Variants in PKD1 observed in about 807,000 individuals in gnomAD.
PKD1 encodes polycystin 1, transient receptor potential channel interacting.
Under a neutral mutation model 361.7 loss-of-function variants are expected in PKD1, and 81 were observed. The observed-to-expected ratio is 0.22, with a 90% CI of 0.19 to 0.27. PKD1 has a LOEUF of 0.27. Ranked by LOEUF, PKD1 falls within the 10% of genes least tolerant of loss-of-function variation. The pLI is 1.00. For synonymous variants in PKD1, 3,615 were observed against 2,818.3 expected (o/e 1.28, Z -8.95); for missense variants, 6,399 against 6,118.3 (o/e 1.05, Z -1.53).
At chr16:2,122,222 T>A (rs989008438) in intron 1 of PKD1, among the ~76,000 whole-genome samples, 2 of 152,198 alleles carry the variant, frequency 1.3e-5, no homozygotes, top group African/African-American at 2.4e-5. Context: ...CCCAGACAGA[T>A]GAGACGCTGG....
intron 1 of PKD1, among the ~76,000 whole-genome samples, chr16:2,131,443 G>A (rs1305812373): frequency 6.6e-6 from 1 of 152,072 alleles, no homozygotes; most frequent in African/African-American, 2.4e-5. Flanking sequence ...AGGAGGCGGA[G>A]CTTGCAGTGA....
chr16:2,090,650 C>T (rs755345715), intron 44 of PKD1, 24 bp downstream of exon 44: 3 of 1,610,764 alleles, frequency 1.9e-6, no homozygotes, highest in Non-Finnish European at 2.5e-6. Flanking sequence ...CTAAGACGCC[C>T]TCCCCGGCCG....
In PKD1 at chr16:2,110,563, C is replaced by T. The variant is rs147919184; in HGVS notation, c.4604G>A (p.Arg1535His). ...CGTCACATTGAGCCAGGCCTCGCTG[C>T]GGCTCACCTCATTCCAGCCGGCCAC... The part of the protein sequence containing the change: ...VRVAGWNEVS[R>H]SEAWLNVTVK... The change falls in exon 15 of 46, where the codon CGC (arginine) becomes CAC (histidine). Residue 1535 changes from arginine to histidine, a missense_variant. Coordinates refer to ENST00000262304, the MANE Select transcript of PKD1 (RefSeq NM_001009944.3). 2.9e-5 allele frequency: 46 copies of T among 1,611,174 alleles called. No individual in the cohort carries two copies. Among genetic ancestry groups the T allele is most frequent in the Admixed American group, 3.3e-5 (2 of 60,004 alleles).
chr16:2,104,211 A>AAGGGGGATGAGGGGGATG (rs1311479204), intron 22 of PKD1, among the ~76,000 whole-genome samples: 1 of 16,660 alleles, frequency 6.0e-5, no homozygotes, highest in African/African-American at 5.6e-4. Context: ...AAGGGAGGGG[A>AAGGGGGATGAGGGGGATG]AGGGGGATGA....
At chr16:2,112,316 C>A (rs779729543) in intron 14 of PKD1, 24 bp downstream of exon 14, 2 of 1,576,750 alleles carry the variant, frequency 1.3e-6, no homozygotes, top group East Asian at 2.2e-5. Context: ...AAGGCAGTGG[C>A]CCCCTCACCC....
At position 2,090,124 on chromosome 16, in the gene PKD1, G is replaced by A. The variant is rs781744375; in HGVS notation, c.12515C>T (p.Ser4172Phe). ...AGCGCTGGGTGGGGGCACATCCGGG[G>A]ATACCTTGGAGCCCCTGGAGGAGCG... is the stretch of plus-strand genomic sequence containing the variant. ...PSRSSRGSKVSPDVPPPSAGS... is the reference protein window; with the variant it reads ...PSRSSRGSKVFPDVPPPSAGS... Residue 4172 changes from serine to phenylalanine, a missense_variant, in exon 46 of 46, where the codon TCC (serine) becomes TTC (phenylalanine). Transcript: ENST00000262304. 6.3e-7 allele frequency: 1 copy of A among 1,599,606 alleles called. No homozygotes were observed. Among genetic ancestry groups the A allele is most frequent in the South Asian group, 1.1e-5 (1 of 90,122 alleles).
At chr16:2,133,088 A>C (rs2092907729) in intron 1 of PKD1, 1 of 149,078 alleles carries the variant, frequency 6.7e-6, no homozygotes, top group Non-Finnish European at 1.5e-5. Context: ...TCTCAAAAAA[A>C]AAAAAAAAAA....
At chr16:2,103,230 C>G in intron 23 of PKD1, 36 bp downstream of exon 23, 1 of 1,604,292 alleles carries the variant, frequency 6.2e-7, no homozygotes, top group Non-Finnish European at 8.5e-7. Flanking sequence ...AAGAACAAGG[C>G]CAGGGGGCCG....
intron 1 of PKD1, among the ~76,000 whole-genome samples, chr16:2,120,568 A>G (rs1313158596): frequency 1.3e-5 from 2 of 152,206 alleles, no homozygotes; most frequent in African/African-American, 2.4e-5. Context: ...CAGGCATGGT[A>G]GTGTGTAACT....
chr16:2,097,527 G>A (rs764034080), intron 32 of PKD1, 24 bp from the exon 33 acceptor site: 3 of 1,601,982 alleles, frequency 1.9e-6, no homozygotes, highest in East Asian at 2.2e-5. Flanking sequence ...GGGTCAGCAA[G>A]GTACCAGGGG....
Position 2,114,514 on chromosome 16 carries a change from A to G in PKD1, c.2509T>C (p.Tyr837His). 6.3e-7 allele frequency: 1 copy of G among 1,595,154 alleles called. No homozygotes were observed. The highest frequency in any genetic ancestry group is 8.5e-7 in the Non-Finnish European group (1 of 1,179,144). ...IYPAPRDGRLYVPTNGSALVL... is the reference protein window; with the variant it reads ...IYPAPRDGRLHVPTNGSALVL... ...AAGGCTGAGCCGTTGGTGGGCACGT[A>G]GAGGCGGCCGTCGCGGGGGGCAGGG... Residue 837 changes from tyrosine to histidine, a missense_variant, in exon 11 of 46, where the codon TAC (tyrosine) becomes CAC (histidine). Tyr to His is a moderately conservative substitution (Grantham distance 83). Transcript: ENST00000262304.
At chr16:2,090,632 G>C (rs776251772) in intron 44 of PKD1, 42 bp from the exon 45 acceptor site, 4 of 1,609,740 alleles carry the variant, frequency 2.5e-6, no homozygotes, top group Admixed American at 3.3e-5. Context: ...CAGCTGAGCT[G>C]AGCTGAGCTA....
chr16:2,102,138 C>T lies in PKD1; in HGVS notation c.9320G>A (p.Arg3107His), dbSNP rs1156644440. 1.0e-5 allele frequency: 16 copies of T among 1,569,048 alleles called. 1 individual carries two copies. Among genetic ancestry groups the T allele is most frequent in the East Asian group, 8.9e-5 (4 of 44,862 alleles). ...KLDQLDASRG[R>H]AIPFCGQRGR... is the part of the protein sequence containing the mutation. ...CCGCTGCCCACAGAAAGGGATGGCG[C>T]GGCCCCGGCTGGCATCCAACTGGTC... Residue 3107 changes from arginine (R) to histidine (H), a missense_variant, in exon 26 of 46, where the codon CGC (arginine) becomes CAC (histidine). Coordinates refer to ENST00000262304, the MANE Select transcript of PKD1 (RefSeq NM_001009944.3).
rs373949019 is a variant in PKD1 at position 2,092,366 on chromosome 16, A to G, written c.11269+114T>C. 8.3e-6 allele frequency: 8 copies of G among 961,146 alleles called. No individual in the cohort carries two copies. The East Asian group carries it at 1.6e-4, about 19-fold the overall frequency. 59.5% of individuals were successfully genotyped at this position (961,146 alleles called of 1,614,324 possible). On this transcript the variant is annotated intron_variant, in intron 39 of 45. Transcript: ENST00000262304. ...ATACAGAGAAGGAAACGGCGGTGTT[A>G]AGAGGGCAAAGGTCACACAGCTAGG...
At chr16:2,108,135 G>C (rs2092406999) in intron 15 of PKD1, 103 bp from the exon 16 acceptor site, 1 of 1,482,774 alleles carries the variant, frequency 6.7e-7, no homozygotes, top group African/African-American at 1.4e-5. Flanking sequence ...CCCCATGCTG[G>C]GACGGGGCCC....
chr16:2,107,218 G>A (rs1414652948), intron 16 of PKD1: 6 of 528,894 alleles, frequency 1.1e-5, no homozygotes, highest in African/African-American at 9.7e-5. Flanking sequence ...AATGCTCACT[G>A]AGGGCCCCTG....
In PKD1 at chr16:2,094,200, G is replaced by C; in HGVS notation, c.10510C>G (p.Pro3504Ala). Reference protein sequence around the residue: ...TDLLSSLSSTPGEKTETLALQ... With the variant: ...TDLLSSLSSTAGEKTETLALQ... ...GCCAGCGTCTCTGTCTTCTCCCCAGGAGTGCTGGACCTGAGGGACATGGTA... is the reference window on the plus strand; with the variant it reads ...GCCAGCGTCTCTGTCTTCTCCCCAGCAGTGCTGGACCTGAGGGACATGGTA... Residue 3504 changes from proline (P) to alanine (A), a missense_variant, in exon 35 of 46, where the codon CCT (proline) becomes GCT (alanine). Pro to Ala is a conservative substitution (Grantham distance 27). Transcript: ENST00000262304. 1 of 1,597,922 alleles carries C rather than the reference G, an allele frequency of 6.3e-7. No homozygotes were observed. The highest frequency in any genetic ancestry group is 8.6e-7 in the Non-Finnish European group (1 of 1,167,706).
At chr16:2,128,313 G>A in intron 1 of PKD1, among the ~76,000 whole-genome samples, 1 of 101,040 alleles carries the variant, frequency 9.9e-6, no homozygotes, top group Middle Eastern at 4.3e-3. Flanking sequence ...TGGCAGGGAG[G>A]GAGAGGTGGG....
chr16:2,102,747 A>C lies in PKD1; in HGVS notation c.8948+67T>G. The C allele has an allele frequency of 2.5e-6, 4 of 1,603,912 alleles. No homozygotes were observed. In the South Asian group the frequency reaches 4.4e-5, roughly 18 times the overall value. ...CGCTGCCTGCCGTCCCCATGGGGCC[A>C]GTAACCCAGGCAATGCTGACCCATG... On this transcript the variant is annotated intron_variant, in intron 24 of 45. Coordinates refer to ENST00000262304, the MANE Select transcript of PKD1 (RefSeq NM_001009944.3).
Sources: gnomAD v4.1 joint callset for allele counts (sites outside exome capture counted in the v4.1 genomes callset) on GRCh38, gnomAD v4.1.1 for gene constraint, MANE v1.5 for transcripts, NCBI Gene and HGNC (gene_info 2026-07-23, HGNC 2026-07-21) for gene names.